Variants in ROR1 observed in about 807,000 individuals in gnomAD.
ROR1 encodes ROR family WNT receptor 1.
ROR1 carries 19 observed loss-of-function variants against 78.8 expected under a neutral mutation model. That is an observed-to-expected ratio of 0.24 (90% CI 0.17 to 0.35). The LOEUF (loss-of-function observed/expected upper bound fraction) is 0.35. Ranked by LOEUF, ROR1 falls within the 10% of genes least tolerant of loss-of-function variation. ROR1 has a pLI of 1.00. For synonymous variants in ROR1, 386 were observed against 433.6 expected, an observed-to-expected ratio of 0.89 and a Z score of 1.36; for missense variants, 917 against 1,177.8, an observed-to-expected ratio of 0.78 and a Z score of 3.24.
At chr1:64,086,634 C>T (rs748465084) in intron 4 of ROR1, among the ~76,000 whole-genome samples, 4 of 152,158 alleles carry the variant, frequency 2.6e-5, no homozygotes, top group Non-Finnish European at 5.9e-5. Flanking sequence ...ACCTTTGGCT[C>T]CCCCAGCTAG....
At chr1:63,855,372 C>A (rs1645141562) in intron 1 of ROR1, among the ~76,000 whole-genome samples, 1 of 152,124 alleles carries the variant, frequency 6.6e-6, no homozygotes, top group Admixed American at 6.6e-5. Context: ...GAGGCAAGGG[C>A]AATTATTAAA....
intron 2 of ROR1, among the ~76,000 whole-genome samples, chr1:64,022,544 T>A (rs1570072508): frequency 6.6e-6 from 1 of 152,190 alleles, no homozygotes; most frequent in Non-Finnish European, 1.5e-5. Flanking sequence ...CTGTTTTTAC[T>A]TAGTGCTACA....
chr1:64,051,597 A>G (rs1485030502), intron 4 of ROR1, among the ~76,000 whole-genome samples: 1 of 152,154 alleles, frequency 6.6e-6, no homozygotes, highest in Non-Finnish European at 1.5e-5. Flanking sequence ...TCGTTAATGG[A>G]GTCTAAAGGT....
chr1:63,815,473 C>CTTTTTTTT lies in ROR1; in HGVS notation c.91+40969_91+40970insTTTTTTTT, dbSNP rs1557510128. On this transcript the variant is annotated intron_variant, in intron 1 of 8. Transcript: ENST00000371079. The stretch of plus-strand genomic sequence containing the variant: ...TTTTTTTTTCTTTTTCTTTTCTTTT[C>CTTTTTTTT]TTTTCTTTTTCTTTTTTTTTTTTTT... Among the ~76,000 whole-genome samples, 33 of 96,160 alleles carry CTTTTTTTT rather than the reference C, an allele frequency of 3.4e-4. 1 individual carries two copies. Among genetic ancestry groups the CTTTTTTTT allele is most frequent in the African/African-American group, 2.5e-3 (33 of 13,110 alleles). 63.1% of individuals were successfully genotyped at this position (96,160 alleles called of 152,430 possible).
At chr1:63,873,056 T>C (rs985636098) in intron 1 of ROR1, among the ~76,000 whole-genome samples, 1 of 152,090 alleles carries the variant, frequency 6.6e-6, no homozygotes, top group African/African-American at 2.4e-5. Flanking sequence ...AGGTATTCTG[T>C]CTTCTCTTTT....
chr1:64,127,676 A>AT (rs1339230979), intron 4 of ROR1, among the ~76,000 whole-genome samples: 5 of 152,094 alleles, frequency 3.3e-5, no homozygotes, highest in Admixed American at 1.3e-4. Context: ...TTCAAAGGTA[A>AT]TTTTTTTGAT....
intron 1 of ROR1, among the ~76,000 whole-genome samples, chr1:63,893,597 G>C (rs1645416501): frequency 6.6e-6 from 1 of 152,138 alleles, no homozygotes; most frequent in Non-Finnish European, 1.5e-5. Context: ...TTTACTGACT[G>C]GGCGTGGACA....
chr1:63,934,857 G>T (rs1645781960), intron 1 of ROR1, among the ~76,000 whole-genome samples: 1 of 152,094 alleles, frequency 6.6e-6, no homozygotes, highest in East Asian at 1.9e-4. Context: ...ATTTTCTGAG[G>T]ATTTAGATGA....
intron 1 of ROR1, among the ~76,000 whole-genome samples, chr1:63,975,628 C>T (rs1259567586): frequency 4.6e-5 from 7 of 152,202 alleles, no homozygotes; most frequent in Admixed American, 2.6e-4. Context: ...ACACACGAAG[C>T]GGTGCCACAG....
rs145902527 is a variant in ROR1 at position 64,089,501 on chromosome 1, G to A, written c.482+38785G>A. Among the ~76,000 whole-genome samples, 108 of 152,234 alleles carry A rather than the reference G, an allele frequency of 7.1e-4. 1 individual carries two copies. Among genetic ancestry groups the A allele is most frequent in the Middle Eastern group, 3.4e-3 (1 of 294 alleles). The stretch of plus-strand genomic sequence containing the variant: ...GCTGGCTTTATAAGGGTGAGCCACC[G>A]CGCCAGGCCTCAAAGCAGTACATTA... On this transcript the variant is annotated intron_variant, in intron 4 of 8. Coordinates refer to ENST00000371079, the MANE Select transcript of ROR1 (RefSeq NM_005012.4).
chr1:64,063,254 A>G (rs1345364427), intron 4 of ROR1, among the ~76,000 whole-genome samples: 1 of 152,246 alleles, frequency 6.6e-6, no homozygotes, highest in South Asian at 2.1e-4. Context: ...GATTCCTCTC[A>G]TCGTCAACTC....
chr1:63,815,591 CA>C (rs2100276387), intron 1 of ROR1, among the ~76,000 whole-genome samples: 1 of 151,012 alleles, frequency 6.6e-6, no homozygotes, highest in East Asian at 2.0e-4. Context: ...ACATTAATAC[CA>C]CCCTTCAGTG....
At chr1:63,841,159 G>A (rs1645047394) in intron 1 of ROR1, among the ~76,000 whole-genome samples, 1 of 152,102 alleles carries the variant, frequency 6.6e-6, no homozygotes, top group Non-Finnish European at 1.5e-5. Context: ...CCATTTATGA[G>A]GTATGCATTT....
chr1:64,021,176 A>T (rs1646562670), intron 2 of ROR1, among the ~76,000 whole-genome samples: 1 of 152,148 alleles, frequency 6.6e-6, no homozygotes, highest in Admixed American at 6.5e-5. Flanking sequence ...GTCAGACCAG[A>T]CGAACTCTGG....
intron 4 of ROR1, 107 bp downstream of exon 4, chr1:64,050,823 T>C: frequency 2.7e-6 from 3 of 1,100,030 alleles, no homozygotes; most frequent in Non-Finnish European, 4.2e-6. Context: ...GGCTTCCAGA[T>C]GTCATTCCAT....
At chr1:63,952,413 T>C (rs1172567631) in intron 1 of ROR1, among the ~76,000 whole-genome samples, 1 of 152,162 alleles carries the variant, frequency 6.6e-6, no homozygotes, top group Non-Finnish European at 1.5e-5. Context: ...GCTCTAGAAG[T>C]CTAGGGAAGG....
intron 1 of ROR1, among the ~76,000 whole-genome samples, chr1:63,997,067 G>A (rs990541316): frequency 3.1e-4 from 47 of 152,278 alleles, no homozygotes; most frequent in African/African-American, 1.1e-3. Context: ...TAAGGTGCTT[G>A]GAATCTTAAT....
chr1:64,107,146 G>A (rs1004745705), intron 4 of ROR1: 16 of 152,178 alleles, frequency 1.1e-4, no homozygotes, highest in African/African-American at 2.4e-4. Context: ...TGTACTGGGC[G>A]TTATATTAAG....
intron 1 of ROR1, among the ~76,000 whole-genome samples, chr1:64,006,784 T>C (rs951959076): frequency 6.6e-6 from 1 of 152,150 alleles, no homozygotes; most frequent in African/African-American, 2.4e-5. Flanking sequence ...CACCTGCTTC[T>C]AGGACTAGGA....
Sources: gnomAD v4.1 joint callset for allele counts (sites outside exome capture counted in the v4.1 genomes callset) on GRCh38, gnomAD v4.1.1 for gene constraint, MANE v1.5 for transcripts, NCBI Gene and HGNC (gene_info 2026-07-23, HGNC 2026-07-21) for gene names.